Variants in CADPS observed in about 807,000 individuals in gnomAD.
CADPS encodes calcium dependent secretion activator.
CADPS carries 57 observed loss-of-function variants against 167.3 expected under a neutral mutation model. That is an observed-to-expected ratio of 0.34 (90% CI 0.28 to 0.42). The LOEUF is 0.42. Among genes scored for constraint, CADPS ranks in the 20% least tolerant of loss-of-function variants. The pLI, the probability that CADPS is intolerant of heterozygous loss-of-function variation, is 1.00. For synonymous variants in CADPS, 676 were observed against 635.3 expected (o/e 1.06, Z -0.96); for missense variants, 1,414 against 1,738.1 (o/e 0.81, Z 3.32).
In CADPS at chr3:62,481,868, T is replaced by C. The variant is rs748759001; in HGVS notation, c.3028A>G (p.Ser1010Gly). The change falls in exon 22 of 30, where the codon AGT (serine) becomes GGT (glycine). Residue 1010 changes from serine (S) to glycine (G), a missense_variant and splice_region_variant. Transcript: ENST00000383710. ...FERESWEPVK[S>G]LTSNLPNVNL... ...ACATTGGGTAGGTTACTGGTTAAAC[T>C]CCTGTGGAAGAAACAGACAGAAAGA... The C allele has an allele frequency of 5.0e-6, 8 of 1,606,708 alleles. No homozygotes were observed. The South Asian group carries it at 9.0e-5, about 18-fold the overall frequency.
chr3:62,532,823 A>C, intron 13 of CADPS, 48 bp downstream of exon 13: 1 of 1,568,396 alleles, frequency 6.4e-7, no homozygotes, highest in South Asian at 1.1e-5. Flanking sequence ...AACCATTGCC[A>C]GTGCCATTTC....
intron 13 of CADPS, 118 bp downstream of exon 13, chr3:62,532,753 G>T: frequency 1.4e-6 from 1 of 718,900 alleles, no homozygotes; most frequent in East Asian, 2.8e-5. Context: ...GTGTGTGTAC[G>T]TGTGCACATA....
intron 1 of CADPS, among the ~76,000 whole-genome samples, chr3:62,811,123 G>T (rs2094373435): frequency 6.6e-6 from 1 of 152,176 alleles, no homozygotes; most frequent in African/African-American, 2.4e-5. Context: ...CTGAATCAGT[G>T]ATGTAAATTG....
chr3:62,719,550 G>A (rs1028622477), intron 3 of CADPS, among the ~76,000 whole-genome samples: 1 of 152,206 alleles, frequency 6.6e-6, no homozygotes, highest in Non-Finnish European at 1.5e-5. Flanking sequence ...GGTATGCAGT[G>A]CAAGGACTTT....
Position 62,479,707 on chromosome 3 carries a change from C to T in CADPS, c.3174-1291G>A, listed in dbSNP as rs192163010. ...CGATGGAGCAGGTAACATATAAACA[C>T]GCCCTTAAAATGAAAGGTGGCAAAG... On this transcript the variant is annotated intron_variant, in intron 22 of 29. Transcript: ENST00000383710. 2.6e-4 allele frequency among the ~76,000 whole-genome samples: 39 copies of T among 152,324 alleles called. No individual in the cohort carries two copies. The East Asian group carries it at 6.4e-3, about 25-fold the overall frequency.
At chr3:62,636,974 G>A (rs1333575870) in intron 6 of CADPS, among the ~76,000 whole-genome samples, 2 of 152,290 alleles carry the variant, frequency 1.3e-5, no homozygotes, top group South Asian at 2.1e-4. Context: ...GGTGTGTGGA[G>A]TTGTAGGATT....
In CADPS at chr3:62,800,150, C is replaced by T. The variant is rs147263203; in HGVS notation, c.442-34166G>A. Reference sequence around the variant, plus strand: ...AGGGGAAATGGGTGCCAACAGAAAGCACATGCCCTCTGCTGTGCTGTGAGT... The same window carrying T: ...AGGGGAAATGGGTGCCAACAGAAAGTACATGCCCTCTGCTGTGCTGTGAGT... On this transcript the variant is annotated intron_variant, in intron 1 of 29. Coordinates refer to ENST00000383710, the MANE Select transcript of CADPS (RefSeq NM_003716.4). 1.3e-4 allele frequency among the ~76,000 whole-genome samples: 20 copies of T among 152,280 alleles called. No homozygotes were observed. In the East Asian group the frequency reaches 3.5e-3, roughly 26 times the overall value.
intron 3 of CADPS, among the ~76,000 whole-genome samples, chr3:62,721,007 C>CGGG (rs2075685964): frequency 6.6e-6 from 1 of 150,836 alleles, no homozygotes; most frequent in African/African-American, 2.4e-5. Context: ...TTAGTAGAGA[C>CGGG]GGGGTTTCAC....
At chr3:62,697,429 GC>G (rs1318145316) in intron 3 of CADPS, among the ~76,000 whole-genome samples, 3 of 152,050 alleles carry the variant, frequency 2.0e-5, no homozygotes, top group African/African-American at 7.3e-5. Flanking sequence ...TACTGAGAAT[GC>G]CATTAATTCA....
chr3:62,532,510 T>C lies in CADPS; in HGVS notation c.2291+361A>G, dbSNP rs1427812822. ...GAGCCCTTTATAGGTACTTGCATTC[T>C]CTCAACAACCCCAGGGGTATACAAT... On this transcript the variant is annotated intron_variant, in intron 13 of 29. Transcript: ENST00000383710. 2.6e-5 allele frequency among the ~76,000 whole-genome samples: 4 copies of C among 152,160 alleles called. No homozygotes were observed. The East Asian group carries it at 7.7e-4, about 29-fold the overall frequency.
At chr3:62,432,082 A>T (rs2149633180) in intron 28 of CADPS, among the ~76,000 whole-genome samples, 1 of 152,130 alleles carries the variant, frequency 6.6e-6, no homozygotes, top group Admixed American at 6.5e-5. Context: ...CCGAAGGTTA[A>T]TTCTGATTTA....
rs550412657 is a variant in CADPS, at chr3:62,746,221, A to T, written c.888+7220T>A. ...CTATCAAGAGTATACACTTCTAATC[A>T]ATAGTATATGACAAGAATGAGGAGA... On this transcript the variant is annotated intron_variant, in intron 3 of 29. Transcript: ENST00000383710. Among the ~76,000 whole-genome samples, 102 of 152,290 alleles carry T rather than the reference A, an allele frequency of 6.7e-4. 1 individual carries two copies. In the South Asian group the frequency reaches 0.02, roughly 31 times the overall value.
chr3:62,466,300 T>C, intron 25 of CADPS, 39 bp downstream of exon 25: 1 of 1,337,466 alleles, frequency 7.5e-7, no homozygotes, highest in South Asian at 1.2e-5. Context: ...AACAAAGCAG[T>C]GTTCACAATG....
At chr3:62,789,531 T>C (rs1299959513) in intron 1 of CADPS, among the ~76,000 whole-genome samples, 2 of 152,204 alleles carry the variant, frequency 1.3e-5, no homozygotes, top group Non-Finnish European at 2.9e-5. Context: ...CCCCAGTATG[T>C]TGTTCTTTGA....
At chr3:62,870,659 CACAG>C (rs1373855237) in intron 1 of CADPS, among the ~76,000 whole-genome samples, 1 of 151,310 alleles carries the variant, frequency 6.6e-6, no homozygotes, top group Admixed American at 6.6e-5. Flanking sequence ...CCCCATCATG[CACAG>C]ACACACATGT....
In CADPS at chr3:62,516,567, C is replaced by T. The variant is rs1239845027; in HGVS notation, c.2457+13G>A. On this transcript the variant is annotated intron_variant, in intron 15 of 29. Transcript: ENST00000383710. ...TTATATATATGTGATCTATCTTTTA[C>T]TTTCATTCTTACCCTTTCCAAGAGT... The T allele has an allele frequency of 6.3e-7, 1 of 1,581,192 alleles. No homozygotes were observed. The highest frequency in any genetic ancestry group is 1.7e-5 in the Admixed American group (1 of 57,870).
At chr3:62,839,950 G>C (rs996447765) in intron 1 of CADPS, among the ~76,000 whole-genome samples, 1 of 152,172 alleles carries the variant, frequency 6.6e-6, no homozygotes, top group Non-Finnish European at 1.5e-5. Context: ...CTGGGAGGGA[G>C]AGCTGAAGTG....
chr3:62,615,270 T>C (rs888023668), intron 6 of CADPS, among the ~76,000 whole-genome samples: 5 of 152,140 alleles, frequency 3.3e-5, no homozygotes, highest in African/African-American at 4.8e-5. Context: ...GCAAACCACC[T>C]TCTCTAATTT....
intron 1 of CADPS, among the ~76,000 whole-genome samples, chr3:62,793,077 A>C (rs1010113173): frequency 6.6e-6 from 1 of 152,140 alleles, no homozygotes; most frequent in African/African-American, 2.4e-5. Context: ...CGTTTAAAAA[A>C]CTGCCTAAAA....
Sources: gnomAD v4.1 joint callset for allele counts (sites outside exome capture counted in the v4.1 genomes callset) on GRCh38, gnomAD v4.1.1 for gene constraint, MANE v1.5 for transcripts, NCBI Gene and HGNC (gene_info 2026-07-23, HGNC 2026-07-21) for gene names.